The following TENM3 variants were observed in gnomAD, a reference collection of about 807,000 sequenced individuals.
TENM3 encodes the protein teneurin-3.
In TENM3, 63 loss-of-function variants were observed where a neutral mutation model predicts 255.1. The observed-to-expected ratio is 0.25, with a 90% CI of 0.20 to 0.30. TENM3 has a LOEUF of 0.30. TENM3 is among the 10% of genes least tolerant of loss of function. The pLI, the probability that TENM3 is intolerant of heterozygous loss-of-function variation, is 1.00. For missense variants in TENM3, 2,929 were observed against 3,461.1 expected, an observed-to-expected ratio of 0.85 and a Z score of 3.86; for synonymous variants, 1,306 against 1,322.3, an observed-to-expected ratio of 0.99 and a Z score of 0.27.
chr4:182,599,940 A>G (rs139718446), intron 3 of TENM3, among the ~76,000 whole-genome samples: 50 of 152,336 alleles, frequency 3.3e-4, no homozygotes, highest in Non-Finnish European at 5.4e-4. Context: ...CGTAAATTCT[A>G]GCACATCCAA....
chr4:182,663,312 T>A (rs1754378109), intron 6 of TENM3, among the ~76,000 whole-genome samples: 1 of 152,158 alleles, frequency 6.6e-6, no homozygotes, highest in African/African-American at 2.4e-5. Flanking sequence ...ATTTATTTTT[T>A]GAGATCATAC....
At chr4:182,333,975 G>A (rs536396462) in intron 2 of TENM3, among the ~76,000 whole-genome samples, 5 of 152,258 alleles carry the variant, frequency 3.3e-5, no homozygotes, top group Admixed American at 6.5e-5. Context: ...CTGCCTTGCC[G>A]TAGCTGACTG....
At chr4:181,845,278 T>C in the TENM3 span, among the ~76,000 whole-genome samples, 1 of 152,156 alleles carries the variant, frequency 6.6e-6, no homozygotes, top group African/African-American at 2.4e-5. Context: ...AGTAATAAGA[T>C]TCAAATGAAT....
At chr4:182,695,539 G>A (rs1757337786) in intron 12 of TENM3, among the ~76,000 whole-genome samples, 2 of 152,132 alleles carry the variant, frequency 1.3e-5, no homozygotes, top group South Asian at 2.1e-4. Flanking sequence ...TGCATATGAG[G>A]TGTGAAATCA....
chr4:182,489,856 TTCCCTTCC>T lies in TENM3; in HGVS notation c.512-111049_512-111042del, dbSNP rs374092715. 7.1e-3 allele frequency among the ~76,000 whole-genome samples: 1,074 copies of T among 150,940 alleles called. 14 individuals are homozygous for T. Among genetic ancestry groups the T allele is most frequent in the African/African-American group, 0.025 (1,020 of 41,026 alleles). ...CTTTCTTCCTCCCTCCTTCCTTTTC[TTCCCTTCC>T]TCCCTTCCTCCCTTCCTCTTTCTTT... On this transcript the variant is annotated intron_variant, in intron 3 of 27. Transcript: ENST00000511685.
At chr4:181,877,668 G>T in the TENM3 span, among the ~76,000 whole-genome samples, 1 of 152,200 alleles carries the variant, frequency 6.6e-6, no homozygotes, top group Non-Finnish European at 1.5e-5. Context: ...CTGTGGTATT[G>T]AATCAAGTCC....
chr4:182,753,804 G>A (rs1023568978), intron 21 of TENM3, among the ~76,000 whole-genome samples, 200 bp downstream of exon 21: 1 of 152,168 alleles, frequency 6.6e-6, no homozygotes, highest in Non-Finnish European at 1.5e-5. Context: ...TGAATTCAGT[G>A]AGATACAGAA....
chr4:181,462,977 A>AT, the TENM3 span, among the ~76,000 whole-genome samples: 4 of 152,194 alleles, frequency 2.6e-5, no homozygotes, highest in Admixed American at 6.5e-5. Context: ...TCCACAGCAA[A>AT]CGAACAGCTG....
At chr4:182,128,948 C>T in the TENM3 span, among the ~76,000 whole-genome samples, 27 of 152,176 alleles carry the variant, frequency 1.8e-4, no homozygotes, top group African/African-American at 6.3e-4. Flanking sequence ...ATTTTTCATA[C>T]TCAAATTAAT....
chr4:182,446,621 T>C (rs1772933753), intron 3 of TENM3, among the ~76,000 whole-genome samples: 1 of 151,476 alleles, frequency 6.6e-6, no homozygotes, highest in Non-Finnish European at 1.5e-5. Context: ...CCCCAGGTCC[T>C]AGCACTTTTT....
chr4:182,203,628 G>A (rs1294684207), intron 1 of TENM3, among the ~76,000 whole-genome samples: 1 of 152,152 alleles, frequency 6.6e-6, no homozygotes, highest in Non-Finnish European at 1.5e-5. Context: ...CGCTTTGCTG[G>A]GCCTGTATCC....
chr4:182,333,097 G>A (rs528413471), intron 2 of TENM3, among the ~76,000 whole-genome samples: 1 of 152,264 alleles, frequency 6.6e-6, no homozygotes, highest in African/African-American at 2.4e-5. Context: ...GGCCAGATAT[G>A]TTCCTAGGTA....
chr4:182,785,651 T>A (rs1189423774), intron 24 of TENM3, among the ~76,000 whole-genome samples: 6 of 137,072 alleles, frequency 4.4e-5, no homozygotes, highest in African/African-American at 1.4e-4. Flanking sequence ...GAGGCTGCAG[T>A]GAGCCAAGAT....
intron 2 of TENM3, among the ~76,000 whole-genome samples, chr4:182,339,828 A>G (rs1185112874): frequency 2.0e-5 from 3 of 152,164 alleles, no homozygotes; most frequent in Admixed American, 6.5e-5. Flanking sequence ...GCGTATTATC[A>G]TTGCCGGGCC....
chr4:181,960,923 G>A, the TENM3 span, among the ~76,000 whole-genome samples: 1 of 152,118 alleles, frequency 6.6e-6, no homozygotes, highest in Non-Finnish European at 1.5e-5. Flanking sequence ...ACCACCGGCT[G>A]ATCACACAGC....
At chr4:181,596,292 C>A in the TENM3 span, among the ~76,000 whole-genome samples, 2 of 152,180 alleles carry the variant, frequency 1.3e-5, no homozygotes, top group East Asian at 3.8e-4. Context: ...CTAGAAGTAG[C>A]TGATATTTTG....
chr4:181,986,699 C>G, the TENM3 span, among the ~76,000 whole-genome samples: 1 of 152,018 alleles, frequency 6.6e-6, no homozygotes, highest in Non-Finnish European at 1.5e-5. Flanking sequence ...TGTAAAGGTT[C>G]CAGTTCTTGG....
At chr4:182,449,053 C>T (rs747892839) in intron 3 of TENM3, 14 of 366,120 alleles carry the variant, frequency 3.8e-5, no homozygotes, top group Non-Finnish European at 7.2e-5. Flanking sequence ...CTCGGTTCCT[C>T]ACGGCCACAG....
the TENM3 span, among the ~76,000 whole-genome samples, chr4:181,840,047 T>A: frequency 1.3e-5 from 2 of 152,086 alleles, no homozygotes; most frequent in African/African-American, 4.8e-5. Flanking sequence ...TTCCACCTTA[T>A]CTTCAAAGTC....
Sources: gnomAD v4.1 joint callset for allele counts (sites outside exome capture counted in the v4.1 genomes callset) on GRCh38, gnomAD v4.1.1 for gene constraint, MANE v1.5 for transcripts, NCBI Gene and HGNC (gene_info 2026-07-23, HGNC 2026-07-21) for gene names.